Variants in SSRP1 observed in about 807,000 individuals in gnomAD.
SSRP1 encodes the protein structure specific recognition protein 1, also known as FACT complex subunit SSRP1.
SSRP1 carries 21 observed loss-of-function variants against 84.4 expected under a neutral mutation model. The ratio of observed to expected loss-of-function variants is 0.25; its 90% confidence interval spans 0.18 to 0.36. The LOEUF is 0.36. Among genes scored for constraint, SSRP1 ranks in the 10% least tolerant of loss-of-function variants. The probability of loss-of-function intolerance (pLI) is 1.00; values close to 1 mark genes in which losing one functional copy is unlikely to be tolerated. For synonymous variants in SSRP1, 319 were observed against 318.3 expected, an observed-to-expected ratio of 1.00 and a Z score of -0.02; for missense variants, 519 against 900.8, an observed-to-expected ratio of 0.58 and a Z score of 5.43.
Position 57,327,744 on chromosome 11 carries a change from T to C in SSRP1, c.1750A>G (p.Ile584Val), listed in dbSNP as rs149785307. Residue 584 changes from isoleucine (I) to valine (V), a missense_variant, in exon 14 of 17, where the codon ATC (isoleucine) becomes GTC (valine). Transcript: ENST00000278412. ...TTCTCTTTGGACATTCCCTTCCAGA[T>C]CTCGCCTGCCTTCTTGGAAAGATCC... ...ITDLSKKAGE[I>V]WKGMSKEKKE... 8.4e-4 allele frequency: 1,361 copies of C among 1,614,140 alleles called. 1 individual carries two copies. The highest frequency in any genetic ancestry group is 1.1e-3 in the Non-Finnish European group (1,323 of 1,180,036).
chr11:57,335,020 C>G lies in SSRP1; in HGVS notation c.54+48G>C. The G allele has an allele frequency of 6.2e-7, 1 of 1,601,962 alleles. No homozygotes were observed. Among genetic ancestry groups the G allele is most frequent in the Non-Finnish European group, 8.5e-7 (1 of 1,169,646 alleles). Reference sequence around the variant, plus strand: ...CTCTCATTAATGGACAAAAACTCTACCCTCCTTCCTTCTCTCTACTTGTAT... The same window carrying G: ...CTCTCATTAATGGACAAAAACTCTAGCCTCCTTCCTTCTCTCTACTTGTAT... On this transcript the variant is annotated intron_variant, in intron 2 of 16. Transcript: ENST00000278412. The surrounding 1 kb of genome is among the most constrained non-coding windows in gnomAD (Gnocchi z 4.6).
intron 16 of SSRP1, 86 bp from the exon 17 acceptor site, chr11:57,326,564 G>T (rs988542857): frequency 7.5e-6 from 12 of 1,594,458 alleles, no homozygotes; most frequent in African/African-American, 1.4e-5. Context: ...ATTCCCTACC[G>T]CCCCCAACTA....
At position 57,328,301 on chromosome 11, in the gene SSRP1, A is replaced by G. The variant is rs758427850; in HGVS notation, c.1607T>C (p.Val536Ala). 4 of 1,614,014 alleles carry G rather than the reference A, an allele frequency of 2.5e-6. 1 individual carries two copies. The South Asian group carries it at 4.4e-5, about 18-fold the overall frequency. The change falls in exon 13 of 17, where the codon GTG becomes GCG. Residue 536 changes from valine to alanine, a missense_variant. By Grantham distance (64) the Val-to-Ala change is moderately conservative. Transcript: ENST00000278412. Reference protein sequence around the residue: ...AKDRKSRKKPVEVKKGKDPNA... With the variant: ...AKDRKSRKKPAEVKKGKDPNA... ...CCTCCCATCTACAGTCTGCACCTCC[A>G]CAGGCTTCTTGCGGCTCTTGCGGTC...
rs1015544056 is a variant in SSRP1, at chr11:57,326,105, C to G, written c.*302G>C. 2.4e-6 allele frequency: 1 copy of G among 413,514 alleles called. No individual in the cohort carries two copies. The highest frequency in any genetic ancestry group is 3.9e-5 in the East Asian group (1 of 25,916). 25.6% of individuals were successfully genotyped at this position (413,514 alleles called of 1,614,324 possible). On this transcript the variant is annotated 3_prime_UTR_variant, in exon 17 of 17. Coordinates refer to ENST00000278412, the MANE Select transcript of SSRP1 (RefSeq NM_003146.3). Reference sequence around the variant, plus strand: ...TGGCCTCACATGACCCCTGCTCCAGCAACTTGAACAGGACAAGCAGCAGCT... The same window carrying G: ...TGGCCTCACATGACCCCTGCTCCAGGAACTTGAACAGGACAAGCAGCAGCT...
chr11:57,334,574 G>T lies in SSRP1; in HGVS notation c.129C>A (p.Ile43=). The change falls in exon 3 of 17, where the codon ATC becomes ATA. Residue 43 remains isoleucine, a synonymous_variant. Transcript: ENST00000278412. The part of the protein sequence containing the change: ...KNSKTGKVDN[I]QAGELTEGIW... ...TACCTTCTGTTAACTCCCCAGCCTG[G>T]ATGTTGTCCACTTTGCCTGTCTTGC... 1 of 1,614,222 alleles carries T rather than the reference G, an allele frequency of 6.2e-7. No homozygotes were observed. Among genetic ancestry groups the T allele is most frequent in the Non-Finnish European group, 8.5e-7 (1 of 1,180,042 alleles).
At position 57,327,530 on chromosome 11, in the gene SSRP1, A is replaced by G. The variant is rs778234268; in HGVS notation, c.1783-16T>C. 3.7e-6 allele frequency: 6 copies of G among 1,613,698 alleles called. No individual in the cohort carries two copies. In the South Asian group the frequency reaches 6.6e-5, roughly 18 times the overall value. ...GATCCCACTCCTGTCTCACACACAG[A>G]AAAAAACAGTTAAGAATAAGACCTC... is the stretch of plus-strand genomic sequence containing the variant. On this transcript the variant is annotated splice_polypyrimidine_tract_variant and intron_variant, in intron 14 of 16. Coordinates refer to ENST00000278412, the MANE Select transcript of SSRP1 (RefSeq NM_003146.3).
At position 57,326,371 on chromosome 11, in the gene SSRP1, T is replaced by G; in HGVS notation, c.*36A>C. ...AATATGGGTGGGGAGTCGGGGGGTGTGAGAAGGCAAGCGCAAAGAGAACCT... is the reference window on the plus strand; with the variant it reads ...AATATGGGTGGGGAGTCGGGGGGTGGGAGAAGGCAAGCGCAAAGAGAACCT... On this transcript the variant is annotated 3_prime_UTR_variant, in exon 17 of 17. Coordinates refer to ENST00000278412, the MANE Select transcript of SSRP1 (RefSeq NM_003146.3). 1.7e-5 allele frequency: 28 copies of G among 1,605,418 alleles called. No individual in the cohort carries two copies. Among genetic ancestry groups the G allele is most frequent in the Non-Finnish European group, 2.1e-5 (25 of 1,172,776 alleles).
At position 57,332,354 on chromosome 11, in the gene SSRP1, G is replaced by A. The variant is rs946491336; in HGVS notation, c.872+29C>T. ...ACACCTGTCTCCTGCCTGGACAGTG[G>A]TAGGAAACGAGTCCAGGGAGACACT... On this transcript the variant is annotated intron_variant, in intron 7 of 16. Transcript: ENST00000278412. The surrounding 1 kb of genome is among the most constrained non-coding windows in gnomAD (Gnocchi z 5.5). The A allele has an allele frequency of 1.2e-6, 2 of 1,613,826 alleles. No individual in the cohort carries two copies. The highest frequency in any genetic ancestry group is 1.3e-5 in the African/African-American group (1 of 74,920).
rs1401848514 is a variant in SSRP1, at chr11:57,332,040, G to C, written c.1001+112C>G. 2 of 1,561,228 alleles carry C rather than the reference G, an allele frequency of 1.3e-6. No individual in the cohort carries two copies. The highest frequency in any genetic ancestry group is 1.4e-5 in the African/African-American group (1 of 73,630). Reference sequence around the variant, plus strand: ...GGCGCTGGCACCTATTGTGACACAAGGTCCCATCCAGGCCTCTAGGAGGCC... The same window carrying C: ...GGCGCTGGCACCTATTGTGACACAACGTCCCATCCAGGCCTCTAGGAGGCC... On this transcript the variant is annotated intron_variant, in intron 8 of 16. Transcript: ENST00000278412. This position sits in a 1 kb window ranked among gnomAD's most constrained non-coding sequence, Gnocchi z 5.5.
chr11:57,331,696 T>C lies in SSRP1; in HGVS notation c.1195A>G (p.Thr399Ala), dbSNP rs1323754152. Residue 399 changes from threonine to alanine, a missense_variant, in exon 9 of 17, where the codon ACT (threonine) becomes GCT (alanine). Transcript: ENST00000278412. ...TCAATGCTGCTGAAGGTATACTGAG[T>C]GCCCTGCTTGGTCTCAATTTCAAAG... ...FDFEIETKQG[T>A]QYTFSSIERE... 2 of 1,614,092 alleles carry C rather than the reference T, an allele frequency of 1.2e-6. No homozygotes were observed. The highest frequency in any genetic ancestry group is 2.2e-5 in the South Asian group (2 of 91,086).
intron 12 of SSRP1, 130 bp downstream of exon 12, chr11:57,329,963 C>T (rs763528719): frequency 5.1e-5 from 57 of 1,126,674 alleles, no homozygotes; most frequent in Admixed American, 9.0e-5. Context: ...CGTATATCAC[C>T]TCATTGGAGG....
Position 57,335,273 on chromosome 11 carries a change from A to T in SSRP1, c.-119-33T>A. On this transcript the variant is annotated intron_variant, in intron 1 of 16. Coordinates refer to ENST00000278412, the MANE Select transcript of SSRP1 (RefSeq NM_003146.3). The surrounding 1 kb of genome is among the most constrained non-coding windows in gnomAD (Gnocchi z 4.6). ...CAAGAGGAAGACAGATAAGCATGAA[A>T]GACAGCACCTCGCTGTGCTCACGGA... 1.3e-6 allele frequency: 1 copy of T among 766,812 alleles called. No individual in the cohort carries two copies. The highest frequency in any genetic ancestry group is 2.3e-6 in the Non-Finnish European group (1 of 437,898). The allele number at this position is 766,812 out of a possible 1,614,324, so 47.5% of individuals were successfully genotyped here. A position where few individuals can be genotyped will look rare whatever the true frequency, so the allele number is the denominator to read the frequency against.
rs948270712 is a variant in SSRP1 at position 57,330,484 on chromosome 11, G to A, written c.1297-55C>T. On this transcript the variant is annotated intron_variant, in intron 10 of 16. Coordinates refer to ENST00000278412, the MANE Select transcript of SSRP1 (RefSeq NM_003146.3). This position sits in a 1 kb window ranked among gnomAD's most constrained non-coding sequence, Gnocchi z 4.0. ...AACTCACCCTCGAGCCAGAATCCCT[G>A]CACACTCAAAAGCACACCCCCATGC... 3.1e-6 allele frequency: 5 copies of A among 1,604,018 alleles called. No individual in the cohort carries two copies. Among genetic ancestry groups the A allele is most frequent in the East Asian group, 2.2e-5 (1 of 44,830 alleles).
Position 57,330,069 on chromosome 11 carries a change from C to CCA in SSRP1, c.1481+22_1481+23dup, listed in dbSNP as rs1181263086. ...AAGCTTATGGGTCACCATCTTATCCCCACAAGGTACCACCAAAACTCACTC... is the reference window on the plus strand; with the variant it reads ...AAGCTTATGGGTCACCATCTTATCCCCACACAAGGTACCACCAAAACTCACTC... On this transcript the variant is annotated intron_variant, in intron 12 of 16. Transcript: ENST00000278412. The surrounding 1 kb of genome is among the most constrained non-coding windows in gnomAD (Gnocchi z 4.0). The CCA allele has an allele frequency of 1.2e-6, 2 of 1,614,172 alleles. No individual in the cohort carries two copies. The highest frequency in any genetic ancestry group is 3.3e-5 in the Admixed American group (2 of 60,034).
chr11:57,334,656 A>C lies in SSRP1; in HGVS notation c.55-8T>G. 1 of 1,613,840 alleles carries C rather than the reference A, an allele frequency of 6.2e-7. No homozygotes were observed. ...CCTCAGTCGACCATCATTCTGTAAG[A>C]AAAGCAGGCCCAGATGCATGGAGAC... On this transcript the variant is annotated splice_region_variant and splice_polypyrimidine_tract_variant and intron_variant, in intron 2 of 16. Transcript: ENST00000278412.
At chr11:57,328,523 A>G (rs1856029505) in intron 12 of SSRP1, 97 bp from the exon 13 acceptor site, 4 of 1,512,052 alleles carry the variant, frequency 2.6e-6, no homozygotes, top group Non-Finnish European at 3.5e-6. Flanking sequence ...ACCCACCCAA[A>G]AGGGGCAAGG....
chr11:57,333,197 G>A (rs1856130668), intron 4 of SSRP1, 48 bp from the exon 5 acceptor site: 4 of 1,555,950 alleles, frequency 2.6e-6, no homozygotes, highest in Non-Finnish European at 3.5e-6. Context: ...CCTTAAGTCT[G>A]CATAAGCAAT....
At chr11:57,331,439 C>T (rs1565053578) in intron 9 of SSRP1, among the ~76,000 whole-genome samples, 2 of 151,702 alleles carry the variant, frequency 1.3e-5, no homozygotes, top group South Asian at 2.1e-4. Context: ...TTTCAGAATA[C>T]GGAAAAAGTT....
chr11:57,333,644 G>C (rs1856143365), intron 3 of SSRP1, 104 bp from the exon 4 acceptor site: 1 of 801,478 alleles, frequency 1.2e-6, no homozygotes, highest in Admixed American at 2.2e-5. Flanking sequence ...GCCCCAAATA[G>C]GCTTTATAAG....
Sources: allele counts gnomAD v4.1 joint callset (sites outside exome capture counted in the v4.1 genomes callset), GRCh38; gene constraint gnomAD v4.1.1; non-coding constraint Gnocchi (gnomAD v3.1); transcripts MANE v1.5; gene names NCBI Gene and HGNC (gene_info 2026-07-23, HGNC 2026-07-21).